The following PAPSS1 variants were observed in gnomAD, a reference collection of about 807,000 sequenced individuals.
The protein encoded by PAPSS1 is 3'-phosphoadenosine 5'-phosphosulfate synthase 1, also known as bifunctional 3'-phosphoadenosine 5'-phosphosulfate synthase 1.
PAPSS1 carries 50 observed loss-of-function variants against 72.0 expected under a neutral mutation model. The ratio of observed to expected loss-of-function variants is 0.69; its 90% CI spans 0.55 to 0.88. The LOEUF (loss-of-function observed/expected upper bound fraction) is 0.88. PAPSS1 is among the 40% of genes least tolerant of loss of function. The pLI, the probability that PAPSS1 is intolerant of heterozygous loss-of-function variation, is 0.00. For missense variants in PAPSS1, 657 were observed against 782.2 expected (o/e 0.84, Z 1.91); for synonymous variants, 261 against 263.6 (o/e 0.99, Z 0.09).
rs530548772 is a variant in PAPSS1 at position 107,683,697 on chromosome 4, T to A, written c.551-1564A>T. Among the ~76,000 whole-genome samples, 8 of 152,266 alleles carry A rather than the reference T, an allele frequency of 5.3e-5. No homozygotes were observed. In the South Asian group the frequency reaches 1.7e-3, roughly 32 times the overall value. ...TAAAAACTATCTTAAGCAGTCATCATGAAAATAATTGAGATTATCAGAATG... is the reference window on the plus strand; with the variant it reads ...TAAAAACTATCTTAAGCAGTCATCAAGAAAATAATTGAGATTATCAGAATG... On this transcript the variant is annotated intron_variant, in intron 4 of 11. Transcript: ENST00000265174.
intron 5 of PAPSS1, among the ~76,000 whole-genome samples, chr4:107,670,661 C>T (rs1368378923): frequency 6.6e-6 from 1 of 152,108 alleles, no homozygotes; most frequent in Non-Finnish European, 1.5e-5. Context: ...GCCTCTGCCT[C>T]CTGAGTATCT....
chr4:107,638,381 C>T (rs1408135073), intron 10 of PAPSS1, among the ~76,000 whole-genome samples: 1 of 152,106 alleles, frequency 6.6e-6, no homozygotes, highest in African/African-American at 2.4e-5. Context: ...CAGAATTTCC[C>T]CAAAATTTCC....
intron 4 of PAPSS1, among the ~76,000 whole-genome samples, chr4:107,683,364 GAA>G (rs11286103): frequency 1.1e-4 from 16 of 150,542 alleles, no homozygotes; most frequent in South Asian, 2.1e-4. Flanking sequence ...AAATGGCTGG[GAA>G]AAAAAAAAAT....
intron 1 of PAPSS1, among the ~76,000 whole-genome samples, chr4:107,711,269 T>C (rs1403620433): frequency 1.3e-5 from 2 of 152,258 alleles, no homozygotes; most frequent in African/African-American, 2.4e-5. Flanking sequence ...CTAACAATCC[T>C]GTCACTAGGC....
chr4:107,692,597 G>C (rs982805627), intron 3 of PAPSS1, among the ~76,000 whole-genome samples: 1 of 152,056 alleles, frequency 6.6e-6, no homozygotes, highest in Non-Finnish European at 1.5e-5. Context: ...AAGATCTTGA[G>C]GCAGAAATAC....
At chr4:107,681,348 C>T (rs980113262) in intron 5 of PAPSS1, among the ~76,000 whole-genome samples, 25 of 152,254 alleles carry the variant, frequency 1.6e-4, no homozygotes, top group Middle Eastern at 3.4e-3. Context: ...TCCTCTTCAA[C>T]TACAGTGAAC....
chr4:107,716,530 C>A (rs560080065), intron 1 of PAPSS1, among the ~76,000 whole-genome samples: 2 of 152,194 alleles, frequency 1.3e-5, no homozygotes, highest in Non-Finnish European at 2.9e-5. Flanking sequence ...TAAGGCAGGT[C>A]CAACAGGGTT....
At chr4:107,695,975 C>A (rs1215335089) in intron 2 of PAPSS1, among the ~76,000 whole-genome samples, 1 of 152,098 alleles carries the variant, frequency 6.6e-6, no homozygotes, top group Non-Finnish European at 1.5e-5. Context: ...AAAAAAAGCT[C>A]AACATCACTG....
At chr4:107,677,872 T>C (rs1727697640) in intron 5 of PAPSS1, among the ~76,000 whole-genome samples, 1 of 152,196 alleles carries the variant, frequency 6.6e-6, no homozygotes, top group Admixed American at 6.5e-5. Context: ...GATGATGAGT[T>C]CATGTCCTTT....
At chr4:107,616,048 C>T (rs918100402) in intron 11 of PAPSS1, among the ~76,000 whole-genome samples, 9 of 151,414 alleles carry the variant, frequency 5.9e-5, no homozygotes, top group African/African-American at 2.2e-4. Flanking sequence ...GCAGCCTGAA[C>T]TCAGACAAAT....
chr4:107,703,731 A>G (rs112009554), intron 1 of PAPSS1, among the ~76,000 whole-genome samples: 3,269 of 152,204 alleles, frequency 0.021, 130 homozygotes, highest in African/African-American at 0.074. Context: ...TTTCTGTATC[A>G]TGCTGTTTTG....
intron 5 of PAPSS1, among the ~76,000 whole-genome samples, chr4:107,671,569 A>G (rs995862177): frequency 3.3e-5 from 5 of 152,184 alleles, no homozygotes; most frequent in Admixed American, 2.0e-4. Flanking sequence ...AGATCTTATA[A>G]AACACTTATG....
intron 5 of PAPSS1, among the ~76,000 whole-genome samples, chr4:107,672,609 C>A (rs890293670): frequency 5.3e-5 from 8 of 152,184 alleles, no homozygotes; most frequent in Non-Finnish European, 1.2e-4. Context: ...CTCAAGGAGG[C>A]CTGCCTGCCT....
At chr4:107,635,937 T>C (rs1428098754) in intron 10 of PAPSS1, among the ~76,000 whole-genome samples, 2 of 152,240 alleles carry the variant, frequency 1.3e-5, no homozygotes, top group Non-Finnish European at 2.9e-5. Context: ...AGTGTGCTTC[T>C]CTGTTTATCT....
At chr4:107,702,939 T>A (rs79263065) in intron 1 of PAPSS1, among the ~76,000 whole-genome samples, 2,785 of 152,316 alleles carry the variant, frequency 0.018, 41 homozygotes, top group Middle Eastern at 0.027. Flanking sequence ...CCATATTGAT[T>A]TCCATAATGG....
intron 11 of PAPSS1, among the ~76,000 whole-genome samples, chr4:107,616,734 G>T (rs2726671): frequency 1.3e-5 from 2 of 152,194 alleles, no homozygotes; most frequent in Non-Finnish European, 2.9e-5. Context: ...ATGGGTCTTA[G>T]AAGTGGGTGG....
At chr4:107,685,745 C>A (rs547378301) in intron 4 of PAPSS1, among the ~76,000 whole-genome samples, 2 of 152,292 alleles carry the variant, frequency 1.3e-5, no homozygotes, top group African/African-American at 4.8e-5. Context: ...ACCTAATTGC[C>A]AAAGCATTCC....
intron 10 of PAPSS1, among the ~76,000 whole-genome samples, chr4:107,642,405 C>T (rs919660614): frequency 6.6e-6 from 1 of 152,106 alleles, no homozygotes; most frequent in Non-Finnish European, 1.5e-5. Context: ...ACTTCAGGTT[C>T]CTCACCTGTG....
At position 107,661,423 on chromosome 4, in the gene PAPSS1, C is replaced by T. The variant is rs1727178756; in HGVS notation, c.670-1351G>A. Among the ~76,000 whole-genome samples, 3 of 152,096 alleles carry T rather than the reference C, an allele frequency of 2.0e-5. No homozygotes were observed. The South Asian group carries it at 6.2e-4, about 32-fold the overall frequency. ...TTAAAGCAGCTCTATTCAGAATTGC[C>T]AAAAGTTGACAGCCACAATGTGTCT... On this transcript the variant is annotated intron_variant, in intron 5 of 11. Transcript: ENST00000265174.
Sources: allele counts gnomAD v4.1 joint callset (sites outside exome capture counted in the v4.1 genomes callset), GRCh38; gene constraint gnomAD v4.1.1; transcripts MANE v1.5; gene names NCBI Gene and HGNC (gene_info 2026-07-23, HGNC 2026-07-21).